USP34: variants seen among roughly 807,000 people sequenced by gnomAD.
USP34 encodes ubiquitin carboxyl-terminal hydrolase 34.
Under a neutral mutation model 460.3 loss-of-function variants are expected in USP34, and 70 were observed. That is an observed-to-expected ratio of 0.15 (90% CI 0.13 to 0.19). The LOEUF (loss-of-function observed/expected upper bound fraction) is 0.19. Ranked by LOEUF, USP34 falls within the 10% of genes least tolerant of loss-of-function variation. The probability of loss-of-function intolerance (pLI) is 1.00; values close to 1 mark genes in which losing one functional copy is unlikely to be tolerated. For missense variants in USP34, 3,985 were observed against 4,236.2 expected (o/e 0.94, Z 1.65); for synonymous variants, 1,647 against 1,405.3 (o/e 1.17, Z -3.85).
chr2:61,344,056 T>G (rs777861904), intron 15 of USP34, 27 bp from the exon 16 acceptor site: 1 of 1,600,468 alleles, frequency 6.2e-7, no homozygotes, highest in Non-Finnish European at 8.6e-7. Flanking sequence ...AGCACAAAGT[T>G]AGTAATTACG....
chr2:61,229,752 T>C, intron 58 of USP34, 119 bp from the exon 59 acceptor site: 1 of 791,656 alleles, frequency 1.3e-6, no homozygotes, highest in East Asian at 2.7e-5. Flanking sequence ...ATTATCTTGG[T>C]ATTCTGGAGC....
At position 61,188,037 on chromosome 2, in the gene USP34, A is replaced by AACTT. The variant is rs1572816817; in HGVS notation, c.*61_*64dup. 3.3e-6 allele frequency: 5 copies of AACTT among 1,536,598 alleles called. No homozygotes were observed. Among genetic ancestry groups the AACTT allele is most frequent in the East Asian group, 2.3e-5 (1 of 44,326 alleles). On this transcript the variant is annotated 3_prime_UTR_variant, in exon 80 of 80. Coordinates refer to ENST00000398571, the MANE Select transcript of USP34 (RefSeq NM_014709.4). ...CTGAAGCACAAAAACAAATAAGCAAAACTTATACAAACAGCATGGGGGTTG... is the reference window on the plus strand; with the variant it reads ...CTGAAGCACAAAAACAAATAAGCAAAACTTACTTATACAAACAGCATGGGGGTTG...
chr2:61,236,191 A>T lies in USP34; in HGVS notation c.6888T>A (p.Asp2296Glu). The T allele has an allele frequency of 6.2e-7, 1 of 1,612,080 alleles. No individual in the cohort carries two copies. The change falls in exon 55 of 80, where the codon GAT (aspartate) becomes GAA (glutamate). Residue 2296 changes from aspartate (D) to glutamate (E), a missense_variant. Asp to Glu is a conservative substitution (Grantham distance 45, BLOSUM62 2). Around this residue, in one of 14 missense-constraint regions of USP34, gnomAD observed 604 missense variants for 684.8 expected, o/e 0.88. Coordinates refer to ENST00000398571, the MANE Select transcript of USP34 (RefSeq NM_014709.4). ...CTGTCATTAAGGACACAGCTTTAGG[A>T]TCTGGTAATGTACTGGGAATACAAC... Reference protein sequence around the residue: ...LCSCIPSTLPDPKAVSLMTAK... With the variant: ...LCSCIPSTLPEPKAVSLMTAK...
At chr2:61,423,287 T>C (rs542463392) in intron 1 of USP34, among the ~76,000 whole-genome samples, 1 of 152,100 alleles carries the variant, frequency 6.6e-6, no homozygotes, top group Non-Finnish European at 1.5e-5. Context: ...CTAGTTTTTG[T>C]ATTTTGTAGA....
At chr2:61,371,330 C>G (rs182259498) in intron 8 of USP34, among the ~76,000 whole-genome samples, 2 of 150,994 alleles carry the variant, frequency 1.3e-5, no homozygotes, top group African/African-American at 4.9e-5. Context: ...ATGACTGTTG[C>G]TGGTTTATGT....
intron 1 of USP34, among the ~76,000 whole-genome samples, chr2:61,433,102 A>G (rs1205559473): frequency 6.6e-6 from 1 of 152,194 alleles, no homozygotes; most frequent in Non-Finnish European, 1.5e-5. Flanking sequence ...ATAAACAGCT[A>G]AGATCTGACA....
rs1416938270 is a variant in USP34, at chr2:61,190,498, G to A, written c.9729+20C>T. 8 of 1,608,620 alleles carry A rather than the reference G, an allele frequency of 5.0e-6. No homozygotes were observed. Among genetic ancestry groups the A allele is most frequent in the Non-Finnish European group, 5.9e-6 (7 of 1,177,500 alleles). On this transcript the variant is annotated intron_variant, in intron 77 of 79. Transcript: ENST00000398571. ...TAACTAATTAGAAATGACACACTGA[G>A]TTTCCAAAGTACTACGTACCTTTAG...
rs182245201 is a variant in USP34 at position 61,206,392 on chromosome 2, A to C, written c.9047-268T>G. On this transcript the variant is annotated intron_variant, in intron 71 of 79. Transcript: ENST00000398571. Reference sequence around the variant, plus strand: ...AGAGTTCACAGTATCTTATAGGGACATAAGACAGGTAGGTTTTATAGTCAT... The same window carrying C: ...AGAGTTCACAGTATCTTATAGGGACCTAAGACAGGTAGGTTTTATAGTCAT... Among the ~76,000 whole-genome samples the C allele has an allele frequency of 2.0e-4, 31 of 152,352 alleles. No homozygotes were observed. The East Asian group carries it at 6.0e-3, about 29-fold the overall frequency.
chr2:61,262,368 T>A (rs1558497550), intron 43 of USP34, among the ~76,000 whole-genome samples: 1 of 152,102 alleles, frequency 6.6e-6, no homozygotes, highest in Non-Finnish European at 1.5e-5. Flanking sequence ...GGACACAACG[T>A]CCATTGTTCC....
chr2:61,230,844 CA>C (rs11398421), intron 58 of USP34, among the ~76,000 whole-genome samples: 226 of 124,702 alleles, frequency 1.8e-3, no homozygotes, highest in Non-Finnish European at 2.4e-3. Flanking sequence ...AACTCCGTCT[CA>C]AAAAAAAAAA....
chr2:61,210,151 TAC>T, intron 69 of USP34, among the ~76,000 whole-genome samples: 1 of 152,270 alleles, frequency 6.6e-6, no homozygotes, highest in African/African-American at 2.4e-5. Context: ...AGCTTAAGTG[TAC>T]AGTGTTTATA....
intron 19 of USP34, among the ~76,000 whole-genome samples, chr2:61,332,574 A>G (rs1691303448): frequency 6.6e-6 from 1 of 151,960 alleles, no homozygotes; most frequent in Admixed American, 6.6e-5. Flanking sequence ...CACTGACTAT[A>G]ATGACACCTG....
At chr2:61,372,189 C>T (rs906905425) in intron 8 of USP34, among the ~76,000 whole-genome samples, 36 of 151,888 alleles carry the variant, frequency 2.4e-4, no homozygotes, top group African/African-American at 8.7e-4. Context: ...GAAGAATTTA[C>T]ATTCTATAAT....
intron 1 of USP34, among the ~76,000 whole-genome samples, chr2:61,459,177 T>C (rs1257872474): frequency 2.6e-5 from 4 of 152,094 alleles, no homozygotes; most frequent in Admixed American, 1.3e-4. Context: ...CAGGGTCCTC[T>C]TAAAAATTAA....
At chr2:61,235,791 G>C in intron 57 of USP34, 54 bp downstream of exon 57, 1 of 1,560,286 alleles carries the variant, frequency 6.4e-7, no homozygotes. Flanking sequence ...ATCAGAGGGG[G>C]GGAAAAAAAA....
At position 61,470,580 on chromosome 2, in the gene USP34, G is replaced by A. The variant is rs1695925643; in HGVS notation, c.43+70C>T. On this transcript the variant is annotated intron_variant, in intron 1 of 79. Transcript: ENST00000398571. ...CGCCTCCCGCAGGCCGCGGCAGCCC[G>A]GGGAGGCCAGAGAGCTGCGCGAGGA... is the stretch of plus-strand genomic sequence containing the variant. 7.2e-6 allele frequency: 8 copies of A among 1,105,500 alleles called. No homozygotes were observed. The East Asian group carries it at 1.2e-4, about 16-fold the overall frequency. The allele number at this position is 1,105,500 out of a possible 1,614,324, so 68.5% of individuals were successfully genotyped here.
intron 10 of USP34, among the ~76,000 whole-genome samples, chr2:61,358,549 CCT>C (rs961054183): frequency 3.3e-5 from 5 of 152,042 alleles, no homozygotes; most frequent in Admixed American, 2.6e-4. Flanking sequence ...CATATTTCCC[CCT>C]AAGATCAGAA....
chr2:61,458,561 G>GAAGA (rs1553395447), intron 1 of USP34, among the ~76,000 whole-genome samples: 1 of 96,562 alleles, frequency 1.0e-5, no homozygotes, highest in Non-Finnish European at 2.0e-5. Flanking sequence ...AACTGTCTCA[G>GAAGA]AAAAAAAAAA....
intron 22 of USP34, among the ~76,000 whole-genome samples, chr2:61,318,200 A>T (rs898015384): frequency 6.6e-6 from 1 of 151,878 alleles, no homozygotes; most frequent in African/African-American, 2.4e-5. Context: ...CAAAAAAAAA[A>T]AAAAAAATGA....
Sources: gnomAD v4.1 joint callset for allele counts (sites outside exome capture counted in the v4.1 genomes callset) on GRCh38, gnomAD v4.1.1 for gene constraint, gnomAD v4.1.1 regional missense constraint, MANE v1.5 for transcripts, NCBI Gene and HGNC (gene_info 2026-07-23, HGNC 2026-07-21) for gene names.